Variants in HYAL4 observed in about 807,000 individuals in gnomAD.
The protein encoded by HYAL4 is hyaluronidase-4.
HYAL4 carries 37 observed loss-of-function variants against 35.2 expected under a neutral mutation model. The ratio of observed to expected loss-of-function variants is 1.05; its 90% CI spans 0.81 to 1.38. The LOEUF is 1.38. HYAL4 is among the 40% of genes most tolerant of loss of function. The pLI, the probability that HYAL4 is intolerant of heterozygous loss-of-function variation, is 0.00. For synonymous variants in HYAL4, 198 were observed against 203.2 expected, an observed-to-expected ratio of 0.97 and a Z score of 0.22; for missense variants, 572 against 572.4, an observed-to-expected ratio of 1.00 and a Z score of 0.01.
intron 1 of HYAL4, among the ~76,000 whole-genome samples, chr7:123,838,620 T>C (rs982294093): frequency 6.6e-6 from 1 of 152,190 alleles, no homozygotes; most frequent in African/African-American, 2.4e-5. Flanking sequence ...GCCTACGTGA[T>C]AGTCTTTTTA....
At chr7:123,843,361 A>G (rs1806106911), upstream of HYAL4, among the ~76,000 whole-genome samples, 1 of 151,994 alleles carries the variant, frequency 6.6e-6, no homozygotes, top group South Asian at 2.1e-4. Flanking sequence ...TTTCTGCTGA[A>G]AGATCTGCTG....
the HYAL4 span, among the ~76,000 whole-genome samples, chr7:123,769,852 A>T: frequency 6.6e-6 from 1 of 152,024 alleles, no homozygotes; most frequent in East Asian, 1.9e-4. Context: ...TTAAACAAAA[A>T]GTTGACCACT....
intron 1 of HYAL4, among the ~76,000 whole-genome samples, chr7:123,830,390 C>A (rs1037546592): frequency 1.3e-5 from 2 of 152,162 alleles, no homozygotes; most frequent in African/African-American, 4.8e-5. Context: ...ATCACTTTAG[C>A]AAATAAAACC....
At chr7:123,830,770 T>G (rs1805867954) in intron 1 of HYAL4, among the ~76,000 whole-genome samples, 1 of 152,210 alleles carries the variant, frequency 6.6e-6, no homozygotes, top group Non-Finnish European at 1.5e-5. Context: ...TATCTTCTAA[T>G]TTAGACTCTC....
chr7:123,804,185 A>G, the HYAL4 span, among the ~76,000 whole-genome samples: 1 of 152,204 alleles, frequency 6.6e-6, no homozygotes, highest in African/African-American at 2.4e-5. Context: ...AATGGCATAT[A>G]TAGTGTGACA....
At chr7:123,787,607 G>A in the HYAL4 span, among the ~76,000 whole-genome samples, 127 of 152,210 alleles carry the variant, frequency 8.3e-4, 1 homozygote, top group African/African-American at 2.8e-3. Flanking sequence ...GTCCCTACCC[G>A]CCTTAGGAAA....
chr7:123,840,503 GT>G (rs1806038070), upstream of HYAL4, among the ~76,000 whole-genome samples: 6 of 152,108 alleles, frequency 3.9e-5, 1 homozygote, highest in South Asian at 4.1e-4. Context: ...CTTTAAAGTA[GT>G]TTTTTCCAAT....
Position 123,868,963 on chromosome 7 carries a change from C to T in HYAL4, c.690C>T (p.Ala230=), listed in dbSNP as rs769178520. ...ATTGCCACAATTATAACGTTTATGC[C>T]CCAAACTACTCTGGGTCATGCCCAG... ...YPDCHNYNVY[A]PNYSGSCPED... The change falls in exon 3 of 5, where the codon GCC becomes GCT. Residue 230 remains alanine, a synonymous_variant. Transcript: ENST00000223026. 1.4e-5 allele frequency: 22 copies of T among 1,613,750 alleles called. No homozygotes were observed. The East Asian group carries it at 4.7e-4, about 34-fold the overall frequency.
At chr7:123,827,976 C>A (rs74614563), upstream of HYAL4, among the ~76,000 whole-genome samples, 122 of 152,230 alleles carry the variant, frequency 8.0e-4, 2 homozygotes, top group East Asian at 0.021. Flanking sequence ...AGATTCCTGC[C>A]AGGCTCTTCT....
In HYAL4 at chr7:123,858,432, T is replaced by C. The variant is rs531228720; in HGVS notation, c.-51-9791T>C. Reference sequence around the variant, plus strand: ...AACTCAGGCATGACTTAATCAAATATGTGGTAGTCAGCACATAGTGGACAT... The same window carrying C: ...AACTCAGGCATGACTTAATCAAATACGTGGTAGTCAGCACATAGTGGACAT... On this transcript the variant is annotated intron_variant, in intron 2 of 4. Transcript: ENST00000223026. Among the ~76,000 whole-genome samples, 8 of 152,206 alleles carry C rather than the reference T, an allele frequency of 5.3e-5. No individual in the cohort carries two copies. The South Asian group carries it at 1.5e-3, about 28-fold the overall frequency.
At chr7:123,821,076 T>G in the HYAL4 span, among the ~76,000 whole-genome samples, 1 of 152,222 alleles carries the variant, frequency 6.6e-6, no homozygotes, top group Admixed American at 6.5e-5. Flanking sequence ...TTGTTTCCAT[T>G]TCTTGGCTAT....
chr7:123,778,485 CCT>C, the HYAL4 span, among the ~76,000 whole-genome samples: 2 of 151,150 alleles, frequency 1.3e-5, no homozygotes, highest in Admixed American at 6.6e-5. Flanking sequence ...CCTTTTTTTT[CCT>C]CTTTTATCTT....
chr7:123,851,668 G>A lies in HYAL4; in HGVS notation c.-52+3510G>A, dbSNP rs575836306. 1.2e-4 allele frequency among the ~76,000 whole-genome samples: 18 copies of A among 152,218 alleles called. No homozygotes were observed. In the South Asian group the frequency reaches 3.7e-3, roughly 32 times the overall value. On this transcript the variant is annotated intron_variant, in intron 2 of 4. Transcript: ENST00000223026. ...TGATGGGCATTTGGGTTGTTTCCAA[G>A]TCTCTGCTGTTGTGAATAGTGCTGC...
chr7:123,809,004 A>T, the HYAL4 span, among the ~76,000 whole-genome samples: 1 of 152,200 alleles, frequency 6.6e-6, no homozygotes, highest in Non-Finnish European at 1.5e-5. Flanking sequence ...TTTTGAGGGG[A>T]CACAAATATT....
At chr7:123,832,479 C>CTTTTTTTTTTTTTTTTTTTTTTTTTTTTT (rs71163703) in intron 1 of HYAL4, among the ~76,000 whole-genome samples, 2 of 21,846 alleles carry the variant, frequency 9.2e-5, no homozygotes, top group African/African-American at 5.6e-4. Flanking sequence ...TTGTGTCATA[C>CTTTTTTTTTTTTTTTTTTTTTTTTTTTTT]TTTTTTTTTT....
the HYAL4 span, among the ~76,000 whole-genome samples, chr7:123,802,201 TA>T: frequency 6.6e-6 from 1 of 152,204 alleles, no homozygotes; most frequent in East Asian, 1.9e-4. Context: ...ATAAAAAGGT[TA>T]TTTTTTTGCT....
At chr7:123,841,570 C>T (rs1165533786), upstream of HYAL4, among the ~76,000 whole-genome samples, 1 of 151,962 alleles carries the variant, frequency 6.6e-6, no homozygotes, top group Non-Finnish European at 1.5e-5. Context: ...AGGAATGGTA[C>T]CAGCTCATCT....
the HYAL4 span, among the ~76,000 whole-genome samples, chr7:123,783,417 G>A: frequency 2.2e-3 from 339 of 152,242 alleles, 9 homozygotes; most frequent in East Asian, 0.055. Flanking sequence ...GAACACACAT[G>A]ATTGTATTAA....
At chr7:123,835,062 T>C (rs1043697490) in intron 1 of HYAL4, among the ~76,000 whole-genome samples, 1 of 152,074 alleles carries the variant, frequency 6.6e-6, no homozygotes, top group African/African-American at 2.4e-5. Context: ...TTATGTCCTT[T>C]CATGGTTTTG....
Sources: allele counts gnomAD v4.1 joint callset (sites outside exome capture counted in the v4.1 genomes callset), GRCh38; gene constraint gnomAD v4.1.1; transcripts MANE v1.5; gene names NCBI Gene and HGNC (gene_info 2026-07-23, HGNC 2026-07-21).